Variants in EXOC6B observed in about 807,000 individuals in gnomAD.
EXOC6B encodes the protein SEC15 homolog B.
EXOC6B carries 54 observed loss-of-function variants against 113.5 expected under a neutral mutation model. The ratio of observed to expected loss-of-function variants is 0.48; its 90% CI spans 0.38 to 0.60. The LOEUF is 0.60. Among genes scored for constraint, EXOC6B ranks in the 20% least tolerant of loss-of-function variants. The pLI, the probability that EXOC6B is intolerant of heterozygous loss-of-function variation, is 0.00. For synonymous variants in EXOC6B, 357 were observed against 339.0 expected (o/e 1.05, Z -0.58); for missense variants, 797 against 977.5 (o/e 0.82, Z 2.46).
chr2:72,603,785 G>C (rs893053042), intron 6 of EXOC6B, among the ~76,000 whole-genome samples: 17 of 152,096 alleles, frequency 1.1e-4, no homozygotes, highest in African/African-American at 4.1e-4. Flanking sequence ...ACTGGAGGTT[G>C]AGCCAGTCAG....
At chr2:72,451,524 C>T (rs1348788065) in intron 18 of EXOC6B, among the ~76,000 whole-genome samples, 1 of 152,006 alleles carries the variant, frequency 6.6e-6, no homozygotes, top group Non-Finnish European at 1.5e-5. Context: ...TCTATAAAGG[C>T]AATAAGATAA....
intron 12 of EXOC6B, among the ~76,000 whole-genome samples, chr2:72,499,093 G>A (rs937994607): frequency 6.6e-6 from 1 of 152,014 alleles, no homozygotes; most frequent in African/African-American, 2.4e-5. Context: ...AAAAAAGGAG[G>A]TGGAAACTAC....
At chr2:72,382,339 C>A (rs562202421) in intron 18 of EXOC6B, among the ~76,000 whole-genome samples, 1 of 152,024 alleles carries the variant, frequency 6.6e-6, no homozygotes, top group Non-Finnish European at 1.5e-5. Flanking sequence ...ATCAGATGGT[C>A]GTAAGTGTGT....
At chr2:72,356,573 A>G (rs1689982568) in intron 19 of EXOC6B, among the ~76,000 whole-genome samples, 1 of 152,164 alleles carries the variant, frequency 6.6e-6, no homozygotes, top group Non-Finnish European at 1.5e-5. Context: ...ACTAACTAAC[A>G]TTACCCCAAA....
intron 20 of EXOC6B, among the ~76,000 whole-genome samples, chr2:72,309,202 G>A (rs1028481339): frequency 2.6e-5 from 4 of 152,072 alleles, no homozygotes; most frequent in African/African-American, 9.7e-5. Context: ...TTTCTAGAAG[G>A]AAAGCAAGAC....
chr2:72,423,708 T>C (rs540081137), intron 18 of EXOC6B, among the ~76,000 whole-genome samples: 1 of 152,214 alleles, frequency 6.6e-6, no homozygotes, highest in African/African-American at 2.4e-5. Flanking sequence ...TACTCACACA[T>C]ACATGCATGC....
intron 8 of EXOC6B, among the ~76,000 whole-genome samples, chr2:72,534,705 C>A (rs113428178): frequency 1.3e-5 from 2 of 152,084 alleles, no homozygotes; most frequent in African/African-American, 4.8e-5. Context: ...CTCATTTATT[C>A]TTCTCTACAA....
intron 19 of EXOC6B, among the ~76,000 whole-genome samples, chr2:72,359,096 T>A (rs1251179370): frequency 6.6e-6 from 1 of 152,208 alleles, no homozygotes; most frequent in Non-Finnish European, 1.5e-5. Context: ...TTTCTTAGAC[T>A]CTATGAAATG....
chr2:72,210,687 C>T (rs767240124), intron 20 of EXOC6B, among the ~76,000 whole-genome samples: 2 of 152,192 alleles, frequency 1.3e-5, no homozygotes, highest in Non-Finnish European at 2.9e-5. Flanking sequence ...TCTTACAAGT[C>T]AGTGTGTCTA....
At chr2:72,289,896 G>A (rs1027491183) in intron 20 of EXOC6B, among the ~76,000 whole-genome samples, 22 of 152,142 alleles carry the variant, frequency 1.4e-4, no homozygotes, top group African/African-American at 5.1e-4. Context: ...CTAAAGAAAA[G>A]GTAGATTGTT....
At chr2:72,189,853 T>C (rs1171183713) in intron 20 of EXOC6B, among the ~76,000 whole-genome samples, 1 of 114,540 alleles carries the variant, frequency 8.7e-6, no homozygotes, top group Admixed American at 8.2e-5. Context: ...TCTTTCTCCT[T>C]CTTCTTCTTT....
intron 20 of EXOC6B, among the ~76,000 whole-genome samples, chr2:72,329,622 T>A (rs1271842161): frequency 6.6e-6 from 1 of 152,006 alleles, no homozygotes; most frequent in Non-Finnish European, 1.5e-5. Context: ...TAGGAACACA[T>A]AATATTCACT....
intron 6 of EXOC6B, among the ~76,000 whole-genome samples, chr2:72,630,631 C>G (rs577601124): frequency 1.3e-5 from 2 of 152,098 alleles, no homozygotes; most frequent in South Asian, 4.2e-4. Context: ...TATACCCTTC[C>G]ACATGATACA....
At chr2:72,560,890 T>A (rs1573394646) in intron 7 of EXOC6B, among the ~76,000 whole-genome samples, 1 of 149,880 alleles carries the variant, frequency 6.7e-6, no homozygotes, top group Non-Finnish European at 1.5e-5. Context: ...TGCAAATTAC[T>A]GAAAAAAAAT....
chr2:72,343,054 CT>C (rs1689127986), intron 19 of EXOC6B, among the ~76,000 whole-genome samples: 1 of 152,120 alleles, frequency 6.6e-6, no homozygotes, highest in Non-Finnish European at 1.5e-5. Flanking sequence ...GTGTGGGGAT[CT>C]TTTACAACCT....
intron 6 of EXOC6B, among the ~76,000 whole-genome samples, chr2:72,617,517 C>CTTTTTTTTT (rs201912352): frequency 1.2e-3 from 120 of 96,938 alleles, no homozygotes; most frequent in Non-Finnish European, 1.5e-3. Context: ...AATCTTTTTT[C>CTTTTTTTTT]TTTTTTTTTT....
rs1417898895 is a variant in EXOC6B at position 72,670,294 on chromosome 2, T to C, written c.669+47809A>G. On this transcript the variant is annotated intron_variant, in intron 6 of 21. Transcript: ENST00000272427. Reference sequence around the variant, plus strand: ...TCCTGTTTATACTACATTTAGGGCATCATATTTTTGTGAATTGTGTAGATA... The same window carrying C: ...TCCTGTTTATACTACATTTAGGGCACCATATTTTTGTGAATTGTGTAGATA... Among the ~76,000 whole-genome samples the C allele has an allele frequency of 2.0e-5, 3 of 152,212 alleles. No homozygotes were observed. The East Asian group carries it at 5.8e-4, about 29-fold the overall frequency.
At chr2:72,470,143 G>C (rs1401355573) in intron 17 of EXOC6B, among the ~76,000 whole-genome samples, 1 of 152,034 alleles carries the variant, frequency 6.6e-6, no homozygotes, top group Admixed American at 6.6e-5. Context: ...GTTAGGGATT[G>C]CATTGAATCT....
chr2:72,747,288 C>G (rs1170266105), intron 1 of EXOC6B, among the ~76,000 whole-genome samples: 1 of 152,048 alleles, frequency 6.6e-6, no homozygotes, highest in Non-Finnish European at 1.5e-5. Context: ...ACACTTATCT[C>G]ACCAATGAGA....
Sources: gnomAD v4.1 joint callset for allele counts (sites outside exome capture counted in the v4.1 genomes callset) on GRCh38, gnomAD v4.1.1 for gene constraint, MANE v1.5 for transcripts, NCBI Gene and HGNC (gene_info 2026-07-23, HGNC 2026-07-21) for gene names.